Variants in HORMAD2 observed in about 807,000 individuals in gnomAD.
The protein encoded by HORMAD2 is HORMA domain-containing protein 2.
Under a neutral mutation model 38.8 loss-of-function variants are expected in HORMAD2, and 45 were observed. The observed-to-expected ratio is 1.16, with a 90% confidence interval of 0.91 to 1.49. HORMAD2 has a LOEUF of 1.49. Among genes scored for constraint, HORMAD2 ranks in the 40% most tolerant of loss-of-function variants. The probability of loss-of-function intolerance (pLI) is 0.00; values close to 1 mark genes in which losing one functional copy is unlikely to be tolerated. For missense variants in HORMAD2, 338 were observed against 367.0 expected (o/e 0.92, Z 0.65); for synonymous variants, 126 against 122.8 (o/e 1.03, Z -0.17).
chr22:30,193,535 C>A, the HORMAD2 span, among the ~76,000 whole-genome samples: 1 of 152,152 alleles, frequency 6.6e-6, no homozygotes, highest in Non-Finnish European at 1.5e-5. Flanking sequence ...GTGGTCAGGG[C>A]AGGCCTCTCT....
At chr22:30,181,600 A>G (rs5763854), downstream of HORMAD2, among the ~76,000 whole-genome samples, 22,416 of 152,188 alleles carry the variant, frequency 0.15, 3,476 homozygotes, top group African/African-American at 0.38. Flanking sequence ...GACTGAATAA[A>G]CAAGGAAGAA....
the HORMAD2 span, among the ~76,000 whole-genome samples, chr22:30,198,947 T>C: frequency 6.6e-6 from 1 of 152,212 alleles, no homozygotes; most frequent in Non-Finnish European, 1.5e-5. Context: ...ACCAGCTTCG[T>C]ACAAGGCTGG....
At chr22:30,100,820 A>G (rs1294407555) in intron 3 of HORMAD2, among the ~76,000 whole-genome samples, 1 of 152,244 alleles carries the variant, frequency 6.6e-6, no homozygotes, top group African/African-American at 2.4e-5. Flanking sequence ...CAGCCAACAA[A>G]CATATGAAAA....
the HORMAD2 span, among the ~76,000 whole-genome samples, chr22:30,205,637 T>C: frequency 6.6e-6 from 1 of 151,802 alleles, no homozygotes; most frequent in African/African-American, 2.4e-5. Context: ...AGCGGTGAGG[T>C]GATGAGGTAC....
At chr22:30,087,695 T>C (rs542155786) in intron 1 of HORMAD2, among the ~76,000 whole-genome samples, 1 of 150,580 alleles carries the variant, frequency 6.6e-6, no homozygotes, top group South Asian at 2.1e-4. Flanking sequence ...ACATCTTACA[T>C]GGCCAAAGCA....
chr22:30,096,327 G>T (rs1281481836), intron 2 of HORMAD2, among the ~76,000 whole-genome samples: 1 of 152,126 alleles, frequency 6.6e-6, no homozygotes, highest in Non-Finnish European at 1.5e-5. Context: ...TAGGATATGT[G>T]TATATTTAGC....
chr22:30,153,080 C>A (rs78295847), intron 10 of HORMAD2, among the ~76,000 whole-genome samples: 3 of 150,138 alleles, frequency 2.0e-5, no homozygotes, highest in Admixed American at 6.7e-5. Flanking sequence ...CAGTTTCCCC[C>A]CATCTCAGCA....
intron 10 of HORMAD2, among the ~76,000 whole-genome samples, chr22:30,130,003 A>G (rs1228474408): frequency 6.6e-6 from 1 of 152,086 alleles, no homozygotes; most frequent in Admixed American, 6.6e-5. Flanking sequence ...ACTCTTGGTA[A>G]TCTCTAACTC....
intron 5 of HORMAD2, among the ~76,000 whole-genome samples, chr22:30,109,043 T>C (rs1050864940): frequency 8.0e-5 from 12 of 150,864 alleles, no homozygotes; most frequent in Non-Finnish European, 1.5e-4. Flanking sequence ...TTCTTTTTTT[T>C]TTTTGGAGTC....
rs186824808 is a variant in HORMAD2 at position 30,169,983 on chromosome 22, C to T, written c.820-6080C>T. ...ACAATGTTAACATAAACTTCATTTA[C>T]GTTAATAGCATTTATTTTATAATTA... On this transcript the variant is annotated intron_variant, in intron 10 of 10. Transcript: ENST00000336726. 2.4e-3 allele frequency among the ~76,000 whole-genome samples: 359 copies of T among 152,258 alleles called. 6 individuals are homozygous for T. The highest frequency in any genetic ancestry group is 8.2e-3 in the African/African-American group (340 of 41,550).
chr22:30,192,832 A>G, the HORMAD2 span, among the ~76,000 whole-genome samples: 1 of 152,186 alleles, frequency 6.6e-6, no homozygotes, highest in African/African-American at 2.4e-5. Flanking sequence ...GTCAACATTC[A>G]TCCCCAGAGG....
chr22:30,200,746 T>TTATTAC, the HORMAD2 span, among the ~76,000 whole-genome samples: 2 of 148,248 alleles, frequency 1.3e-5, no homozygotes, highest in East Asian at 3.9e-4. Flanking sequence ...ATTATTATTA[T>TTATTAC]TATTATTATT....
intron 10 of HORMAD2, among the ~76,000 whole-genome samples, chr22:30,157,050 A>G (rs755750222): frequency 6.6e-6 from 1 of 152,116 alleles, no homozygotes; most frequent in Non-Finnish European, 1.5e-5. Flanking sequence ...CTCCCACTAC[A>G]TTCCTTGGAA....
In HORMAD2 at chr22:30,104,555, C is replaced by A. The variant is rs533135519; in HGVS notation, c.294+118C>A. ...ACAGTATAAGTGTCTACGTTTGCAT[C>A]CATAAACTAATTTCTTATCTTATGT... On this transcript the variant is annotated intron_variant, in intron 5 of 10. Transcript: ENST00000336726. 21 of 722,702 alleles carry A rather than the reference C, an allele frequency of 2.9e-5. No individual in the cohort carries two copies. In the South Asian group the frequency reaches 4.2e-4, roughly 14 times the overall value. 44.8% of individuals were successfully genotyped at this position (722,702 alleles called of 1,614,324 possible).
chr22:30,201,412 C>CTTTTT, the HORMAD2 span, among the ~76,000 whole-genome samples: 3 of 121,086 alleles, frequency 2.5e-5, no homozygotes, highest in African/African-American at 3.4e-5. Context: ...AGAGTTAAGA[C>CTTTTT]TTTTTTTTTT....
intron 10 of HORMAD2, among the ~76,000 whole-genome samples, chr22:30,167,430 T>C (rs1925855395): frequency 6.6e-6 from 1 of 152,094 alleles, no homozygotes; most frequent in South Asian, 2.1e-4. Flanking sequence ...TTGCCTGGAG[T>C]TAGGGATTCC....
rs1480086203 is a variant in HORMAD2, at chr22:30,165,953, TTTA to T, written c.820-10098_820-10096del. Reference sequence around the variant, plus strand: ...CTTCTTTTTGTTTATTCCCTTTATTTTTATTATTATTATTCTTTTTCTTTATTC... The same window carrying T: ...CTTCTTTTTGTTTATTCCCTTTATTTTTATTATTATTCTTTTTCTTTATTC... On this transcript the variant is annotated intron_variant, in intron 10 of 10. Transcript: ENST00000336726. 2.2e-4 allele frequency among the ~76,000 whole-genome samples: 34 copies of T among 151,622 alleles called. No individual in the cohort carries two copies. The South Asian group carries it at 5.6e-3, about 25-fold the overall frequency.
At position 30,175,998 on chromosome 22, in the gene HORMAD2, A is replaced by G. The variant is rs1175316411; in HGVS notation, c.820-65A>G. 3 of 1,028,592 alleles carry G rather than the reference A, an allele frequency of 2.9e-6. No homozygotes were observed. The African/African-American group carries it at 4.7e-5, about 16-fold the overall frequency. The allele number at this position is 1,028,592 out of a possible 1,614,324, so 63.7% of individuals were successfully genotyped here. A position where few individuals can be genotyped will look rare whatever the true frequency, so the allele number is the denominator to read the frequency against. Reference sequence around the variant, plus strand: ...GATTAATGCTTGGTCTACCTGTCTTATATATGTCTTGTGCAGATGTCAAAA... The same window carrying G: ...GATTAATGCTTGGTCTACCTGTCTTGTATATGTCTTGTGCAGATGTCAAAA... On this transcript the variant is annotated intron_variant, in intron 10 of 10. Transcript: ENST00000336726.
chr22:30,127,199 C>CTTTTTTTTT (rs757608874), intron 10 of HORMAD2, among the ~76,000 whole-genome samples: 1 of 79,820 alleles, frequency 1.3e-5, no homozygotes, highest in Non-Finnish European at 2.4e-5. Flanking sequence ...AACAGAAGTT[C>CTTTTTTTTT]TTTTTTTTTT....
Sources: gnomAD v4.1 joint callset for allele counts (sites outside exome capture counted in the v4.1 genomes callset) on GRCh38, gnomAD v4.1.1 for gene constraint, MANE v1.5 for transcripts, NCBI Gene and HGNC (gene_info 2026-07-23, HGNC 2026-07-21) for gene names.